DIP2C: variants seen among roughly 807,000 people sequenced by gnomAD.
DIP2C encodes the protein disco-interacting protein 2 homolog C.
DIP2C carries 33 observed loss-of-function variants against 192.4 expected under a neutral mutation model. The ratio of observed to expected loss-of-function variants is 0.17; its 90% confidence interval spans 0.13 to 0.23. The LOEUF is 0.23. Ranked by LOEUF, DIP2C falls within the 10% of genes least tolerant of loss-of-function variation. The pLI is 1.00. For synonymous variants in DIP2C, 979 were observed against 864.1 expected, an observed-to-expected ratio of 1.13 and a Z score of -2.33; for missense variants, 1,537 against 2,110.1, an observed-to-expected ratio of 0.73 and a Z score of 5.32.
chr10:288,300 T>C, intron 33 of DIP2C, 64 bp downstream of exon 33: 1 of 1,451,808 alleles, frequency 6.9e-7, no homozygotes, highest in Non-Finnish European at 9.4e-7. Flanking sequence ...TCCTAAAATT[T>C]CAAAGCCCAT....
intron 1 of DIP2C, among the ~76,000 whole-genome samples, chr10:625,597 G>A (rs73588195): frequency 0.15 from 22,561 of 152,118 alleles, 2,120 homozygotes; most frequent in African/African-American, 0.26. Context: ...CAGGCTCGGG[G>A]AAGGACAGAA....
intron 1 of DIP2C, among the ~76,000 whole-genome samples, chr10:685,239 C>A (rs1831289678): frequency 1.4e-5 from 2 of 146,892 alleles, no homozygotes; most frequent in South Asian, 4.3e-4. Flanking sequence ...TCAACCAACA[C>A]AGGAAGACCT....
intron 3 of DIP2C, among the ~76,000 whole-genome samples, chr10:466,878 AAAC>A (rs1219054244): frequency 7.8e-5 from 11 of 141,340 alleles, no homozygotes; most frequent in Middle Eastern, 3.6e-3. Context: ...AAAAGTCAGG[AAAC>A]AACAGGTGCT....
chr10:504,551 G>A (rs1010175790), intron 1 of DIP2C, among the ~76,000 whole-genome samples: 1 of 151,906 alleles, frequency 6.6e-6, no homozygotes, highest in Non-Finnish European at 1.5e-5. Flanking sequence ...CCACGGCTCC[G>A]TGACCAAGTC....
At position 327,096 on chromosome 10, in the gene DIP2C, C is replaced by A; in HGVS notation, c.3834G>T (p.Ser1278=). 3.1e-6 allele frequency: 5 copies of A among 1,614,152 alleles called. No homozygotes were observed. The highest frequency in any genetic ancestry group is 4.2e-6 in the Non-Finnish European group (5 of 1,180,022). ...CCAGGTCCTTAAACAGCTTTGAGAA[C>A]GACTGTGTGAGTGCGATCCGAGGCC... ...EERPRIALTQ[S]FSKLFKDLGL... is the part of the protein sequence containing the mutation. The change falls in exon 31 of 37, where the codon TCG becomes TCT. Residue 1278 remains serine, a synonymous_variant. Coordinates refer to ENST00000280886, the MANE Select transcript of DIP2C (RefSeq NM_014974.3).
intron 30 of DIP2C, among the ~76,000 whole-genome samples, chr10:327,928 A>T (rs1451167107): frequency 1.3e-5 from 2 of 152,118 alleles, no homozygotes; most frequent in Non-Finnish European, 2.9e-5. Context: ...AGCTCAGCTC[A>T]CTCTGTGGCA....
At chr10:567,415 CTCCTGACCTCGTGA>C (rs1393832517) in intron 1 of DIP2C, among the ~76,000 whole-genome samples, 1 of 152,134 alleles carries the variant, frequency 6.6e-6, no homozygotes, top group African/African-American at 2.4e-5. Context: ...TGGTCTCGAA[CTCCTGACCTCGTGA>C]TCCACCCACC....
intron 32 of DIP2C, among the ~76,000 whole-genome samples, chr10:303,952 A>C (rs535300228): frequency 8.5e-5 from 13 of 152,240 alleles, no homozygotes; most frequent in African/African-American, 3.1e-4. Flanking sequence ...GTCCAACTGG[A>C]GGGTCTTTAG....
chr10:598,928 G>GCCT (rs1219150321), intron 1 of DIP2C, among the ~76,000 whole-genome samples: 3 of 152,242 alleles, frequency 2.0e-5, no homozygotes, highest in African/African-American at 7.2e-5. Context: ...AGAAAAGACT[G>GCCT]CCTCAAGGAA....
At chr10:483,648 G>T (rs1588260898) in intron 2 of DIP2C, among the ~76,000 whole-genome samples, 1 of 152,334 alleles carries the variant, frequency 6.6e-6, no homozygotes, top group South Asian at 2.1e-4. Context: ...CTTCTCATCA[G>T]CTCTGCCCCT....
chr10:678,526 G>A (rs113155746), intron 1 of DIP2C, among the ~76,000 whole-genome samples: 2,643 of 139,918 alleles, frequency 0.019, 29 homozygotes, highest in Non-Finnish European at 0.027. Context: ...CCCCACACCC[G>A]TGCTCCCCGC....
intron 16 of DIP2C, among the ~76,000 whole-genome samples, chr10:383,485 T>A (rs1471375961): frequency 1.3e-5 from 2 of 152,252 alleles, no homozygotes; most frequent in African/African-American, 2.4e-5. Flanking sequence ...AAGGTGTATT[T>A]ATAGTATTCT....
intron 1 of DIP2C, among the ~76,000 whole-genome samples, chr10:490,580 A>G (rs1361449848): frequency 1.3e-5 from 2 of 152,258 alleles, no homozygotes; most frequent in East Asian, 1.9e-4. Context: ...TGTGAACCAC[A>G]GGAGCCCCTG....
chr10:356,337 G>A (rs764801245), intron 24 of DIP2C, 89 bp downstream of exon 24: 1 of 1,407,710 alleles, frequency 7.1e-7, no homozygotes, highest in Non-Finnish European at 1.0e-6. Flanking sequence ...TGAAGCAAAA[G>A]GATTCAAAGA....
chr10:477,808 AGAAG>A (rs1320570899), intron 2 of DIP2C, among the ~76,000 whole-genome samples: 1 of 133,152 alleles, frequency 7.5e-6, no homozygotes, highest in Non-Finnish European at 1.6e-5. Flanking sequence ...GGAAGGAAAG[AGAAG>A]GAAAACAAGA....
chr10:298,432 G>A (rs1287183810), intron 32 of DIP2C, among the ~76,000 whole-genome samples: 1 of 152,206 alleles, frequency 6.6e-6, no homozygotes, highest in South Asian at 2.1e-4. Flanking sequence ...GCTGGGTCAC[G>A]TTTGCAGGTT....
chr10:360,189 G>A (rs1461100360), intron 22 of DIP2C, among the ~76,000 whole-genome samples: 3 of 152,120 alleles, frequency 2.0e-5, no homozygotes, highest in Non-Finnish European at 2.9e-5. Context: ...GACCTTGAAT[G>A]CCTCCCCATG....
chr10:653,149 A>G (rs3750730), intron 1 of DIP2C, among the ~76,000 whole-genome samples: 126,938 of 151,992 alleles, frequency 0.84, 55,650 homozygotes, highest in Non-Finnish European at 0.96. Flanking sequence ...TCAATGCCAC[A>G]TTTAAAATGG....
rs192113476 is a variant in DIP2C, at chr10:649,129, C to T, written c.85+40365G>A. 1.3e-4 allele frequency among the ~76,000 whole-genome samples: 19 copies of T among 148,120 alleles called. No individual in the cohort carries two copies. The East Asian group carries it at 3.4e-3, about 27-fold the overall frequency. On this transcript the variant is annotated intron_variant, in intron 1 of 36. Transcript: ENST00000280886. Reference sequence around the variant, plus strand: ...GACGGTGGGAGAGAACAGAGCGAAACTTAGTCCACGTCCACAGTGGACGGT... The same window carrying T: ...GACGGTGGGAGAGAACAGAGCGAAATTTAGTCCACGTCCACAGTGGACGGT...
Sources: gnomAD v4.1 joint callset for allele counts (sites outside exome capture counted in the v4.1 genomes callset) on GRCh38, gnomAD v4.1.1 for gene constraint, MANE v1.5 for transcripts, NCBI Gene and HGNC (gene_info 2026-07-23, HGNC 2026-07-21) for gene names.